Variants in PCDHGB4 observed in about 807,000 individuals in gnomAD.
PCDHGB4 encodes the protein protocadherin gamma subfamily B, 4.
Under a neutral mutation model 60.5 loss-of-function variants are expected in PCDHGB4, and 38 were observed. The ratio of observed to expected loss-of-function variants is 0.63; its 90% CI spans 0.48 to 0.82. The LOEUF is 0.82. Ranked by LOEUF, PCDHGB4 falls within the 40% of genes least tolerant of loss-of-function variation. PCDHGB4 has a pLI of 0.00. For missense variants in PCDHGB4, 1,109 were observed against 1,209.6 expected, an observed-to-expected ratio of 0.92 and a Z score of 1.23; for synonymous variants, 456 against 509.7, an observed-to-expected ratio of 0.89 and a Z score of 1.42.
chr5:141,414,781 G>T, intron 1 of PCDHGB4: 2 of 1,614,230 alleles, frequency 1.2e-6, no homozygotes, highest in Non-Finnish European at 1.7e-6. Flanking sequence ...ACAGATGCAG[G>T]TGACAGCCAG....
At chr5:141,501,198 G>C (rs2299024) in intron 2 of PCDHGB4, among the ~76,000 whole-genome samples, 89,086 of 151,686 alleles carry the variant, frequency 0.59, 27,759 homozygotes, top group African/African-American at 0.8. Context: ...TAAATTCAGG[G>C]TGTTGTCAGG....
intron 3 of PCDHGB4, 157 bp downstream of exon 3, chr5:141,505,638 T>C: frequency 1.0e-6 from 1 of 968,044 alleles, no homozygotes; most frequent in Non-Finnish European, 1.2e-6. Context: ...ACATAAAGCC[T>C]GGAATTGTGG....
At chr5:141,465,978 C>T (rs568961720) in intron 1 of PCDHGB4, among the ~76,000 whole-genome samples, 7 of 151,998 alleles carry the variant, frequency 4.6e-5, no homozygotes, top group South Asian at 2.1e-4. Context: ...AAAAATTAGC[C>T]GGGCATGGTG....
intron 1 of PCDHGB4, chr5:141,410,442 C>T (rs1444532577): frequency 6.2e-7 from 1 of 1,613,942 alleles, no homozygotes; most frequent in East Asian, 2.2e-5. Context: ...AGTGAGGGGA[C>T]TTTGCCTTAT....
chr5:141,490,544 A>G lies in PCDHGB4; in HGVS notation c.2398-4263A>G. 6.2e-7 allele frequency: 1 copy of G among 1,614,120 alleles called. No individual in the cohort carries two copies. Among genetic ancestry groups the G allele is most frequent in the Non-Finnish European group, 8.5e-7 (1 of 1,180,028 alleles). ...AGCGATGCTGGTTCACCTTCCCTAC[A>G]CAAACATCTCACCATCAGGCTCAAC... On this transcript the variant is annotated intron_variant, in intron 1 of 3. Transcript: ENST00000519479. This position sits in a 1 kb window ranked among gnomAD's most constrained non-coding sequence, Gnocchi z 5.4.
rs777566456 is a variant in PCDHGB4, at chr5:141,405,216, A to G, written c.2397+14935A>G. On this transcript the variant is annotated intron_variant, in intron 1 of 3. Coordinates refer to ENST00000519479, the MANE Select transcript of PCDHGB4 (RefSeq NM_003736.4). ...CGAGCTTTCCTACAGACCTATTCTCAGGAGTTCTCCCTCACCGCTGACTCA... is the reference window on the plus strand; with the variant it reads ...CGAGCTTTCCTACAGACCTATTCTCGGGAGTTCTCCCTCACCGCTGACTCA... 27 of 1,613,806 alleles carry G rather than the reference A, an allele frequency of 1.7e-5. No individual in the cohort carries two copies. In the Admixed American group the frequency reaches 2.7e-4, roughly 16 times the overall value.
rs756993242 is a variant in PCDHGB4 at position 141,432,265 on chromosome 5, G to T, written c.2397+41984G>T. 2.5e-6 allele frequency: 4 copies of T among 1,614,210 alleles called. No homozygotes were observed. The South Asian group carries it at 3.3e-5, about 13-fold the overall frequency. ...ACACCATCCAAGGGGCAAGCCTATC[G>T]TCCTACGTGTCCATCAACTCCGACA... On this transcript the variant is annotated intron_variant, in intron 1 of 3. Coordinates refer to ENST00000519479, the MANE Select transcript of PCDHGB4 (RefSeq NM_003736.4). This position sits in a 1 kb window ranked among gnomAD's most constrained non-coding sequence, Gnocchi z 6.0.
intron 1 of PCDHGB4, chr5:141,400,114 A>G: frequency 6.2e-7 from 1 of 1,614,074 alleles, no homozygotes; most frequent in Admixed American, 1.7e-5. Context: ...CTTTGCTGAC[A>G]GCTTGCAGGA....
chr5:141,469,880 C>T (rs774827232), intron 1 of PCDHGB4, among the ~76,000 whole-genome samples: 7 of 152,210 alleles, frequency 4.6e-5, no homozygotes, highest in East Asian at 1.9e-4. Flanking sequence ...CCTGTAATCT[C>T]GGCACTTTGG....
Position 141,476,416 on chromosome 5 carries a change from A to G in PCDHGB4, c.2398-18391A>G. On this transcript the variant is annotated intron_variant, in intron 1 of 3. Coordinates refer to ENST00000519479, the MANE Select transcript of PCDHGB4 (RefSeq NM_003736.4). The surrounding 1 kb of genome is among the most constrained non-coding windows in gnomAD (Gnocchi z 7.6). ...TGGATCGAGAGGAGCTGTGTGGGAC[A>G]CTGCCCTCTTGCACTGTAACTCTGG... 1 of 1,614,056 alleles carries G rather than the reference A, an allele frequency of 6.2e-7. No individual in the cohort carries two copies. The highest frequency in any genetic ancestry group is 8.5e-7 in the Non-Finnish European group (1 of 1,179,994).
intron 1 of PCDHGB4, chr5:141,394,562 G>A (rs1381162611): frequency 2.5e-6 from 4 of 1,614,088 alleles, no homozygotes; most frequent in Admixed American, 3.3e-5. Flanking sequence ...GCTCCGCAGA[G>A]CGTGGCTACC....
chr5:141,421,055 C>A, intron 1 of PCDHGB4: 2 of 577,118 alleles, frequency 3.5e-6, no homozygotes, highest in South Asian at 2.4e-5. Flanking sequence ...GCCTCTACCA[C>A]ACAAAGCGGA....
intron 1 of PCDHGB4, among the ~76,000 whole-genome samples, chr5:141,463,948 C>A (rs1397198849): frequency 6.6e-6 from 1 of 151,846 alleles, no homozygotes; most frequent in Non-Finnish European, 1.5e-5. Context: ...TAGAAATCTT[C>A]ATTTTTAAAA....
At chr5:141,415,183 G>A (rs201831693) in intron 1 of PCDHGB4, 913 of 1,613,968 alleles carry the variant, frequency 5.7e-4, no homozygotes, top group Non-Finnish European at 5.1e-4. Flanking sequence ...GGCCGTGGCC[G>A]ACAGCATCCC....
At chr5:141,466,716 T>A (rs2099127818) in intron 1 of PCDHGB4, among the ~76,000 whole-genome samples, 1 of 152,210 alleles carries the variant, frequency 6.6e-6, no homozygotes, top group South Asian at 2.1e-4. Flanking sequence ...TGTTCTTGTT[T>A]CCATTTTAGC....
rs2154591356 is a variant in PCDHGB4, at chr5:141,493,972, C to G, written c.2398-835C>G. Among the ~76,000 whole-genome samples, 6 of 152,276 alleles carry G rather than the reference C, an allele frequency of 3.9e-5. No homozygotes were observed. In the Middle Eastern group the frequency reaches 0.014, roughly 345 times the overall value. On this transcript the variant is annotated intron_variant, in intron 1 of 3. Coordinates refer to ENST00000519479, the MANE Select transcript of PCDHGB4 (RefSeq NM_003736.4). This position sits in a 1 kb window ranked among gnomAD's most constrained non-coding sequence, Gnocchi z 4.3. ...CAGGAATGAAGTGGCTGGCCAGAGC[C>G]CCACACCTTCAGCTAGGTGGGAGAT...
At chr5:141,453,807 A>G (rs752553367) in intron 1 of PCDHGB4, among the ~76,000 whole-genome samples, 3 of 152,250 alleles carry the variant, frequency 2.0e-5, no homozygotes, top group Non-Finnish European at 4.4e-5. Flanking sequence ...GAGTAGTTCC[A>G]TAAAGGACAA....
At position 141,489,870 on chromosome 5, in the gene PCDHGB4, G is replaced by T; in HGVS notation, c.2398-4937G>T. On this transcript the variant is annotated intron_variant, in intron 1 of 3. Transcript: ENST00000519479. The surrounding 1 kb of genome is among the most constrained non-coding windows in gnomAD (Gnocchi z 4.5). ...GTGAAGCCCAGGCAAGACATCAGCT[G>T]GTGCTTACTGCTGTGGATGGGGGGA... 1.2e-6 allele frequency: 2 copies of T among 1,614,220 alleles called. No individual in the cohort carries two copies. The highest frequency in any genetic ancestry group is 1.7e-6 in the Non-Finnish European group (2 of 1,180,024).
intron 1 of PCDHGB4, chr5:141,398,966 C>T: frequency 6.2e-7 from 1 of 1,613,962 alleles, no homozygotes; most frequent in Non-Finnish European, 8.5e-7. Flanking sequence ...ATTACTTATT[C>T]CTTCTACAGA....
Sources: allele counts gnomAD v4.1 joint callset (sites outside exome capture counted in the v4.1 genomes callset), GRCh38; gene constraint gnomAD v4.1.1; non-coding constraint Gnocchi (gnomAD v3.1); transcripts MANE v1.5; gene names NCBI Gene and HGNC (gene_info 2026-07-23, HGNC 2026-07-21).